Variants in MLLT10 observed in about 807,000 individuals in gnomAD.
The protein encoded by MLLT10 is MLLT10 histone lysine methyltransferase DOT1L cofactor.
Under a neutral mutation model 129.1 loss-of-function variants are expected in MLLT10, and 30 were observed. That is an observed-to-expected ratio of 0.23 (90% CI 0.17 to 0.32). MLLT10 has a LOEUF of 0.32. Ranked by LOEUF, MLLT10 falls within the 10% of genes least tolerant of loss-of-function variation. The probability of loss-of-function intolerance (pLI) is 1.00; values close to 1 mark genes in which losing one functional copy is unlikely to be tolerated. For missense variants in MLLT10, 1,119 were observed against 1,268.3 expected (o/e 0.88, Z 1.79); for synonymous variants, 490 against 446.4 (o/e 1.10, Z -1.23).
Position 21,733,931 on chromosome 10 carries a change from C to T in MLLT10, c.2660C>T (p.Ser887Phe). Reference sequence around the variant, plus strand: ...GCTAGTGGAATGCAGCCTGTAACTTCCACCATTCCTGCCGTGTCTGCAGTG... The same window carrying T: ...GCTAGTGGAATGCAGCCTGTAACTTTCACCATTCCTGCCGTGTCTGCAGTG... ...ALASGMQPVT[S>F]TIPAVSAVGG... is the part of the protein sequence containing the mutation. Residue 887 changes from serine to phenylalanine, a missense_variant, in exon 20 of 23, where the codon TCC (serine) becomes TTC (phenylalanine). Coordinates refer to ENST00000307729, the MANE Select transcript of MLLT10 (RefSeq NM_001195626.3). 2 of 1,614,176 alleles carry T rather than the reference C, an allele frequency of 1.2e-6. No individual in the cohort carries two copies. The highest frequency in any genetic ancestry group is 1.7e-6 in the Non-Finnish European group (2 of 1,180,034).
intron 8 of MLLT10, chr10:21,625,157 G>T: frequency 8.2e-7 from 1 of 1,215,554 alleles, no homozygotes; most frequent in Non-Finnish European, 1.2e-6. Flanking sequence ...GAGGAGGAGG[G>T]TGTAGTGATA....
intron 16 of MLLT10, among the ~76,000 whole-genome samples, chr10:21,729,939 A>G (rs1409699263): frequency 6.6e-6 from 1 of 152,280 alleles, no homozygotes; most frequent in Non-Finnish European, 1.5e-5. Context: ...GATCTAAGAC[A>G]TTTTAGAAAT....
chr10:21,559,060 G>C (rs1245871070), intron 3 of MLLT10, among the ~76,000 whole-genome samples: 1 of 152,128 alleles, frequency 6.6e-6, no homozygotes, highest in Non-Finnish European at 1.5e-5. Flanking sequence ...TGCATTGATT[G>C]TGTATATCAG....
At chr10:21,738,684 C>A in intron 21 of MLLT10, 2 of 474,658 alleles carry the variant, frequency 4.2e-6, no homozygotes, top group South Asian at 9.1e-5. Flanking sequence ...ATCTTAACGT[C>A]ACCTGGCAAC....
intron 3 of MLLT10, among the ~76,000 whole-genome samples, chr10:21,577,769 C>T (rs2040942575): frequency 6.6e-6 from 1 of 152,022 alleles, no homozygotes; most frequent in Non-Finnish European, 1.5e-5. Flanking sequence ...CCGCACCCAG[C>T]CTATATGAAG....
At chr10:21,730,582 T>C (rs1228865025) in intron 16 of MLLT10, among the ~76,000 whole-genome samples, 6 of 152,218 alleles carry the variant, frequency 3.9e-5, no homozygotes, top group East Asian at 1.9e-4. Flanking sequence ...TTTCCCTCTT[T>C]TGTCTTATAA....
chr10:21,671,199 G>T (rs2051364514), intron 10 of MLLT10, among the ~76,000 whole-genome samples: 1 of 152,084 alleles, frequency 6.6e-6, no homozygotes, highest in African/African-American at 2.4e-5. Context: ...TTGTATTTTA[G>T]TAGAGATGGG....
intron 13 of MLLT10, among the ~76,000 whole-genome samples, chr10:21,691,671 G>A (rs1178728523): frequency 6.6e-6 from 1 of 151,892 alleles, no homozygotes; most frequent in Non-Finnish European, 1.5e-5. Flanking sequence ...TAAGACATGA[G>A]GGAAGATAGT....
rs951325603 is a variant in MLLT10 at position 21,608,735 on chromosome 10, A to G, written c.406-3613A>G. On this transcript the variant is annotated intron_variant, in intron 5 of 22. Coordinates refer to ENST00000307729, the MANE Select transcript of MLLT10 (RefSeq NM_001195626.3). ...CCGTCCGTTAGGTTATGTAATCTCT[A>G]TTGATCTCTTCTTAAGTTTGCTAAT... 2.0e-5 allele frequency among the ~76,000 whole-genome samples: 3 copies of G among 151,982 alleles called. No homozygotes were observed. The East Asian group carries it at 5.8e-4, about 29-fold the overall frequency.
chr10:21,733,167 G>C (rs564764595), intron 18 of MLLT10, 80 bp downstream of exon 18: 1 of 1,351,552 alleles, frequency 7.4e-7, no homozygotes. Context: ...GTAATAATTG[G>C]TCACCAGTTA....
At chr10:21,651,241 T>G (rs1254458882) in intron 8 of MLLT10, among the ~76,000 whole-genome samples, 1 of 152,042 alleles carries the variant, frequency 6.6e-6, no homozygotes, top group African/African-American at 2.4e-5. Context: ...CCGGCTAATT[T>G]TTGTATTTTT....
intron 9 of MLLT10, among the ~76,000 whole-genome samples, chr10:21,666,780 G>A (rs764446404): frequency 1.1e-4 from 16 of 151,924 alleles, no homozygotes; most frequent in Non-Finnish European, 1.5e-5. Context: ...GTTATCTTCA[G>A]TCAACTGCGG....
In MLLT10 at chr10:21,717,707, C is replaced by CTCT. The variant is rs1564711145; in HGVS notation, c.1878+3759_1878+3760insTTC. ...CCTCCTCCTCCTCCTCCTCTTCCTCCTCCTCCTCTTCCTCCTCCTCCTCCT... is the reference window on the plus strand; with the variant it reads ...CCTCCTCCTCCTCCTCCTCTTCCTCCTCTTCCTCCTCTTCCTCCTCCTCCTCCT... On this transcript the variant is annotated intron_variant, in intron 14 of 22. Coordinates refer to ENST00000307729, the MANE Select transcript of MLLT10 (RefSeq NM_001195626.3). Among the ~76,000 whole-genome samples, 8 of 85,700 alleles carry CTCT rather than the reference C, an allele frequency of 9.3e-5. No homozygotes were observed. In the East Asian group the frequency reaches 2.3e-3, roughly 25 times the overall value. 56.2% of individuals were successfully genotyped at this position (85,700 alleles called of 152,430 possible).
In MLLT10 at chr10:21,740,023, G is replaced by A. The variant is rs1445864358; in HGVS notation, c.2956-7G>A. On this transcript the variant is annotated splice_region_variant and splice_polypyrimidine_tract_variant and intron_variant, in intron 21 of 22. Transcript: ENST00000307729. ...ACTCATTTTCTCTCACATGTTTTTTGCCTAAGGAACAACATCAAGCCTTTT... is the reference window on the plus strand; with the variant it reads ...ACTCATTTTCTCTCACATGTTTTTTACCTAAGGAACAACATCAAGCCTTTT... 7 of 1,584,590 alleles carry A rather than the reference G, an allele frequency of 4.4e-6. No individual in the cohort carries two copies. Among genetic ancestry groups the A allele is most frequent in the Admixed American group, 3.7e-5 (2 of 54,492 alleles).
At chr10:21,544,917 G>A (rs764190949) in intron 3 of MLLT10, among the ~76,000 whole-genome samples, 2 of 152,182 alleles carry the variant, frequency 1.3e-5, no homozygotes, top group African/African-American at 2.4e-5. Flanking sequence ...AGGCCGAGGC[G>A]GGCGGATCAC....
intron 3 of MLLT10, among the ~76,000 whole-genome samples, chr10:21,540,346 T>C (rs2034919055): frequency 6.6e-6 from 1 of 151,312 alleles, no homozygotes. Context: ...GCCAAGATTG[T>C]GCCACTGCAC....
At chr10:21,664,515 G>A (rs933155206) in intron 9 of MLLT10, among the ~76,000 whole-genome samples, 11 of 151,560 alleles carry the variant, frequency 7.3e-5, no homozygotes, top group African/African-American at 2.4e-4. Context: ...CAGGATGGTC[G>A]CGATCTCTTG....
intron 9 of MLLT10, 56 bp from the exon 10 acceptor site, chr10:21,670,393 C>T: frequency 1.3e-6 from 2 of 1,504,958 alleles, no homozygotes; most frequent in Non-Finnish European, 1.8e-6. Context: ...CCATTGTTTT[C>T]TGTAACTAAA....
chr10:21,614,038 C>T (rs2044966063), intron 6 of MLLT10, among the ~76,000 whole-genome samples: 1 of 151,702 alleles, frequency 6.6e-6, no homozygotes, highest in African/African-American at 2.4e-5. Flanking sequence ...CATAGCAAGA[C>T]ACCTCATCTC....
Sources: allele counts gnomAD v4.1 joint callset (sites outside exome capture counted in the v4.1 genomes callset), GRCh38; gene constraint gnomAD v4.1.1; transcripts MANE v1.5; gene names NCBI Gene and HGNC (gene_info 2026-07-23, HGNC 2026-07-21).